The following USH2A variants were observed in gnomAD, a reference collection of about 807,000 sequenced individuals.
USH2A encodes the protein Usher syndrome 2A (autosomal recessive, mild).
Under a neutral mutation model 538.9 loss-of-function variants are expected in USH2A, and 443 were observed. That is an observed-to-expected ratio of 0.82 (90% confidence interval 0.76 to 0.89). The LOEUF (loss-of-function observed/expected upper bound fraction) is 0.89, where lower values mean the gene tolerates loss of function less well. USH2A is among the 40% of genes least tolerant of loss of function. USH2A has a pLI of 0.00. For synonymous variants in USH2A, 2,413 were observed against 2,273.5 expected, an observed-to-expected ratio of 1.06 and a Z score of -1.75; for missense variants, 6,633 against 6,324.8, an observed-to-expected ratio of 1.05 and a Z score of -1.65.
intron 21 of USH2A, among the ~76,000 whole-genome samples, chr1:216,170,428 A>G (rs1344020138): frequency 6.6e-6 from 1 of 152,118 alleles, no homozygotes; most frequent in African/African-American, 2.4e-5. Flanking sequence ...GATATTCAAC[A>G]TCAGTAATCA....
At chr1:216,065,291 C>G (rs1232559250) in intron 30 of USH2A, among the ~76,000 whole-genome samples, 1 of 152,084 alleles carries the variant, frequency 6.6e-6, no homozygotes, top group Non-Finnish European at 1.5e-5. Flanking sequence ...TTGTTCTTAT[C>G]CTAACCTTAG....
chr1:216,163,014 A>G (rs1469653000), intron 21 of USH2A, among the ~76,000 whole-genome samples: 2 of 151,966 alleles, frequency 1.3e-5, no homozygotes, highest in Non-Finnish European at 2.9e-5. Flanking sequence ...TTCCTTTACC[A>G]GATATACTAA....
intron 50 of USH2A, among the ~76,000 whole-genome samples, chr1:215,791,821 G>A (rs1661990800): frequency 6.6e-6 from 1 of 152,030 alleles, no homozygotes; most frequent in Admixed American, 6.6e-5. Flanking sequence ...TGTGTGTGTA[G>A]CTATGTATGT....
At chr1:216,345,977 G>A (rs886123379) in intron 4 of USH2A, among the ~76,000 whole-genome samples, 4 of 152,126 alleles carry the variant, frequency 2.6e-5, no homozygotes, top group African/African-American at 7.2e-5. Context: ...GAGTAGCTCA[G>A]TAGCTGAGGC....
intron 11 of USH2A, among the ~76,000 whole-genome samples, chr1:216,276,004 T>G (rs1044129715): frequency 1.3e-5 from 2 of 151,872 alleles, no homozygotes; most frequent in Non-Finnish European, 2.9e-5. Flanking sequence ...TAGGAACACA[T>G]TTTTGGTAGG....
rs2032221088 is a variant in USH2A at position 216,089,068 on chromosome 1, T to A, written c.4830A>T (p.Ile1610=). Residue 1610 remains isoleucine (I), a synonymous_variant, in exon 23 of 72, where the codon ATA becomes ATT. Transcript: ENST00000307340. Reference sequence around the variant, plus strand: ...CAAAAGCCTGATGCCTAATAGCAATTATTTCATGCCATTTTCCATCACTAT... The same window carrying A: ...CAAAAGCCTGATGCCTAATAGCAATAATTTCATGCCATTTTCCATCACTAT... ...KQYSDGKWHE[I]IAIRHQAFGQ... The A allele has an allele frequency of 6.2e-7, 1 of 1,613,418 alleles. No individual in the cohort carries two copies. The highest frequency in any genetic ancestry group is 1.1e-5 in the South Asian group (1 of 91,080).
At chr1:216,095,348 T>C (rs1255462439) in intron 22 of USH2A, among the ~76,000 whole-genome samples, 1 of 150,764 alleles carries the variant, frequency 6.6e-6, no homozygotes, top group Non-Finnish European at 1.5e-5. Context: ...GTCTCTCCTC[T>C]AATTAATCTA....
chr1:216,330,206 A>C (rs1169185336), intron 4 of USH2A, among the ~76,000 whole-genome samples: 3 of 152,116 alleles, frequency 2.0e-5, no homozygotes, highest in African/African-American at 7.2e-5. Flanking sequence ...CACTTTCACG[A>C]GTGCCAAAAG....
At chr1:215,786,531 A>C (rs1416043773) in intron 52 of USH2A, 139 bp downstream of exon 52, 2 of 902,718 alleles carry the variant, frequency 2.2e-6, no homozygotes, top group East Asian at 5.2e-5. Flanking sequence ...TTACCTTGTA[A>C]CTAGCTGGCC....
intron 21 of USH2A, among the ~76,000 whole-genome samples, chr1:216,131,161 T>C (rs2033368638): frequency 6.6e-6 from 1 of 151,962 alleles, no homozygotes; most frequent in African/African-American, 2.4e-5. Flanking sequence ...GGATTGTTCA[T>C]TTTTTTCTTG....
At position 215,766,855 on chromosome 1, in the gene USH2A, A is replaced by C; in HGVS notation, c.10940-67T>G. 1.2e-5 allele frequency: 17 copies of C among 1,403,962 alleles called. No homozygotes were observed. The South Asian group carries it at 2.0e-4, about 16-fold the overall frequency. The allele number at this position is 1,403,962 out of a possible 1,614,324, so 87.0% of individuals were successfully genotyped here. A position where few individuals can be genotyped will look rare whatever the true frequency, so the allele number is the denominator to read the frequency against. On this transcript the variant is annotated intron_variant, in intron 55 of 71. Coordinates refer to ENST00000307340, the MANE Select transcript of USH2A (RefSeq NM_206933.4). ...TTATTTATTATCAATTAAGTACCAG[A>C]AGTAACATGCAGAGTTGTAGATATG... is the stretch of plus-strand genomic sequence containing the variant.
intron 11 of USH2A, among the ~76,000 whole-genome samples, chr1:216,261,691 C>T (rs1297756356): frequency 6.6e-6 from 1 of 152,140 alleles, no homozygotes; most frequent in East Asian, 1.9e-4. Flanking sequence ...GTGCCTATGC[C>T]CCTAAACTGA....
At chr1:216,291,090 A>G (rs1374219709) in intron 10 of USH2A, among the ~76,000 whole-genome samples, 2 of 152,158 alleles carry the variant, frequency 1.3e-5, no homozygotes, top group East Asian at 1.9e-4. Flanking sequence ...TCTTTTAATA[A>G]CAAGTAACTC....
At chr1:216,401,733 C>A (rs770377408) in intron 3 of USH2A, among the ~76,000 whole-genome samples, 3 of 151,998 alleles carry the variant, frequency 2.0e-5, no homozygotes, top group African/African-American at 7.2e-5. Context: ...AAAATGATAT[C>A]TCCACTAGAA....
intron 3 of USH2A, among the ~76,000 whole-genome samples, chr1:216,398,819 T>C (rs1169860780): frequency 6.6e-6 from 1 of 152,158 alleles, no homozygotes; most frequent in Non-Finnish European, 1.5e-5. Context: ...CATTCTCCAC[T>C]TGTTGAAACA....
intron 37 of USH2A, among the ~76,000 whole-genome samples, chr1:215,963,109 G>A (rs1316199543): frequency 6.6e-6 from 1 of 152,104 alleles, no homozygotes; most frequent in African/African-American, 2.4e-5. Flanking sequence ...ATGAAATACA[G>A]TTGTTCATTA....
chr1:216,328,468 A>T (rs2037780909), intron 4 of USH2A, among the ~76,000 whole-genome samples: 1 of 152,182 alleles, frequency 6.6e-6, no homozygotes, highest in Non-Finnish European at 1.5e-5. Flanking sequence ...TATATTTTTA[A>T]TAACAAAATT....
intron 62 of USH2A, 47 bp from the exon 63 acceptor site, chr1:215,675,663 C>A (rs1157873291): frequency 3.1e-6 from 5 of 1,613,570 alleles, no homozygotes; most frequent in South Asian, 1.1e-5. Context: ...CATACAATTT[C>A]TTTGTGTAGT....
intron 52 of USH2A, among the ~76,000 whole-genome samples, chr1:215,783,273 A>C (rs1661700919): frequency 6.6e-6 from 1 of 152,190 alleles, no homozygotes; most frequent in South Asian, 2.1e-4. Context: ...TTCCTACATG[A>C]GACAGGTTTG....
Sources: allele counts gnomAD v4.1 joint callset (sites outside exome capture counted in the v4.1 genomes callset), GRCh38; gene constraint gnomAD v4.1.1; transcripts MANE v1.5; gene names NCBI Gene and HGNC (gene_info 2026-07-23, HGNC 2026-07-21).